The following DSC3 variants were observed in gnomAD, a reference collection of about 807,000 sequenced individuals.
The protein encoded by DSC3 is desmocollin-3.
Under a neutral mutation model 89.5 loss-of-function variants are expected in DSC3, and 97 were observed. The observed-to-expected ratio is 1.08, with a 90% CI of 0.92 to 1.28. The LOEUF (loss-of-function observed/expected upper bound fraction) is 1.28, where lower values mean the gene tolerates loss of function less well. Among genes scored for constraint, DSC3 ranks in the 50% most tolerant of loss-of-function variants. The pLI, the probability that DSC3 is intolerant of heterozygous loss-of-function variation, is 0.00. For synonymous variants in DSC3, 436 were observed against 384.1 expected, an observed-to-expected ratio of 1.14 and a Z score of -1.58; for missense variants, 1,199 against 1,085.3, an observed-to-expected ratio of 1.10 and a Z score of -1.47.
intron 6 of DSC3, among the ~76,000 whole-genome samples, chr18:31,023,913 G>C (rs914931887): frequency 6.6e-6 from 1 of 151,660 alleles, no homozygotes; most frequent in Non-Finnish European, 1.5e-5. Flanking sequence ...ATATAAATAG[G>C]AGCATAAAAA....
Position 30,997,194 on chromosome 18 carries a change from T to C in DSC3, c.2236-146A>G, listed in dbSNP as rs535762150. 15 of 1,027,648 alleles carry C rather than the reference T, an allele frequency of 1.5e-5. No homozygotes were observed. In the East Asian group the frequency reaches 2.8e-4, roughly 19 times the overall value. 63.7% of individuals were successfully genotyped at this position (1,027,648 alleles called of 1,614,324 possible). A position where few individuals can be genotyped will look rare whatever the true frequency, so the allele number is the denominator to read the frequency against. Reference sequence around the variant, plus strand: ...ACAGACATTTATCAGTTTCTAATTATGTGCCCAGATACTGTCTTCATTCAT... The same window carrying C: ...ACAGACATTTATCAGTTTCTAATTACGTGCCCAGATACTGTCTTCATTCAT... On this transcript the variant is annotated intron_variant, in intron 14 of 15. Coordinates refer to ENST00000360428, the MANE Select transcript of DSC3 (RefSeq NM_001941.5).
Position 30,990,936 on chromosome 18 carries a change from T to G in DSC3, c.*3239A>C, listed in dbSNP as rs1186618222. On this transcript the variant is annotated 3_prime_UTR_variant, in exon 16 of 16. Coordinates refer to ENST00000360428, the MANE Select transcript of DSC3 (RefSeq NM_001941.5). ...TGTCGACAATTTGATAATGAAACAT[T>G]GTCCAAAATATTCCCCATTAATACA... The G allele has an allele frequency of 6.6e-6, 1 of 151,512 alleles. No homozygotes were observed. The highest frequency in any genetic ancestry group is 1.5e-5 in the Non-Finnish European group (1 of 67,960). The allele number at this position is 151,512 out of a possible 1,614,324, so 9.4% of individuals were successfully genotyped here. A position where few individuals can be genotyped will look rare whatever the true frequency, so the allele number is the denominator to read the frequency against.
At chr18:31,032,129 C>T (rs1985809396) in intron 2 of DSC3, 63 bp downstream of exon 2, 2 of 1,169,514 alleles carry the variant, frequency 1.7e-6, no homozygotes, top group Admixed American at 3.4e-5. Context: ...GGTATTATAT[C>T]ATGCTCTTTC....
intron 9 of DSC3, among the ~76,000 whole-genome samples, chr18:31,014,504 A>G (rs1567955114): frequency 6.6e-6 from 1 of 152,056 alleles, no homozygotes; most frequent in Non-Finnish European, 1.5e-5. Flanking sequence ...TGAACTTTGA[A>G]CTAATGGACT....
chr18:31,016,300 G>A (rs978724269), intron 9 of DSC3, among the ~76,000 whole-genome samples: 14 of 152,154 alleles, frequency 9.2e-5, no homozygotes, highest in African/African-American at 3.4e-4. Flanking sequence ...GCTCTAATAA[G>A]CTTGCTTTGC....
chr18:31,024,365 C>T lies in DSC3; in HGVS notation c.759G>A (p.Leu253=), dbSNP rs754906080. The T allele has an allele frequency of 9.4e-6, 15 of 1,602,944 alleles. No homozygotes were observed. The highest frequency in any genetic ancestry group is 1.3e-5 in the Non-Finnish European group (15 of 1,173,668). ...FTEAIYNFEV[L]ESSRPGTTVG... The stretch of plus-strand genomic sequence containing the variant: ...CAGACTTACCAGGTCTACTACTTTC[C>T]AAAACTTCAAAATTATAAATTGCTT... Residue 253 remains leucine, a synonymous_variant, in exon 6 of 16, where the codon TTG becomes TTA. Coordinates refer to ENST00000360428, the MANE Select transcript of DSC3 (RefSeq NM_001941.5).
rs1413248107 is a variant in DSC3, at chr18:31,029,540, G to A, written c.443C>T (p.Ser148Phe). 1 of 1,613,890 alleles carries A rather than the reference G, an allele frequency of 6.2e-7. No individual in the cohort carries two copies. The highest frequency in any genetic ancestry group is 8.5e-7 in the Non-Finnish European group (1 of 1,179,780). Residue 148 changes from serine (S) to phenylalanine (F), a missense_variant, in exon 4 of 16, where the codon TCC becomes TTC. Transcript: ENST00000360428. ...AAGAAACAATGGGAAAGGGCCCAAG[G>A]AATTCTCTTGCATAGAGCAAGGAAT... ...APIPCSMQEN[S>F]LGPFPLFLQQ...
At chr18:31,021,980 A>G (rs2144715737) in intron 7 of DSC3, among the ~76,000 whole-genome samples, 1 of 150,082 alleles carries the variant, frequency 6.7e-6, no homozygotes, top group East Asian at 2.0e-4. Context: ...TAAAGTAGAA[A>G]TCAGGGCATG....
Position 31,032,269 on chromosome 18 carries a change from C to A in DSC3, c.77G>T (p.Ser26Ile). Residue 26 changes from serine to isoleucine, a missense_variant, in exon 2 of 16, where the codon AGT becomes ATT. Transcript: ENST00000360428. ...CTTTTTGCAGGCTTCACCAGCACGA[C>A]TGAAGATCTAGAATTTAAAAGGTCA... ...LHLLLTLVIF[S>I]RAGEACKKVI... 1.2e-6 allele frequency: 2 copies of A among 1,610,974 alleles called. No individual in the cohort carries two copies. The highest frequency in any genetic ancestry group is 1.7e-6 in the Non-Finnish European group (2 of 1,177,292).
At chr18:31,029,993 T>C (rs1985727367) in intron 3 of DSC3, among the ~76,000 whole-genome samples, 1 of 152,200 alleles carries the variant, frequency 6.6e-6, no homozygotes, top group Non-Finnish European at 1.5e-5. Context: ...TTCTTTTAGT[T>C]AAAAGCTCAT....
chr18:31,029,483 C>T (rs372771494), intron 4 of DSC3, 26 bp downstream of exon 4: 3 of 1,613,184 alleles, frequency 1.9e-6, no homozygotes, highest in Non-Finnish European at 2.5e-6. Flanking sequence ...TTAAAGCAAC[C>T]CTGACCAGAA....
rs114503789 is a variant in DSC3 at position 31,042,629 on chromosome 18, C to T, written c.32G>A (p.Arg11His). The stretch of plus-strand genomic sequence containing the variant: ...CAGCAGATGCAGGCAGACGGCTCCG[C>T]GCACGGAGCGCCGGGGCCCAGCGGC... MAAAGPRRSV[R>H]GAVCLHLLLT... Residue 11 changes from arginine to histidine, a missense_variant, in exon 1 of 16, where the codon CGC (arginine) becomes CAC (histidine). By Grantham distance (29) the Arg-to-His change is conservative (BLOSUM62 0). Transcript: ENST00000360428. 1 of 1,550,214 alleles carries T rather than the reference C, an allele frequency of 6.5e-7. No individual in the cohort carries two copies. Among genetic ancestry groups the T allele is most frequent in the Non-Finnish European group, 8.7e-7 (1 of 1,146,750 alleles).
chr18:31,037,665 G>A (rs779935239), intron 1 of DSC3, among the ~76,000 whole-genome samples: 3 of 152,264 alleles, frequency 2.0e-5, no homozygotes, highest in Admixed American at 2.0e-4. Context: ...ACTCTGGGAG[G>A]CCGAGGCAGG....
chr18:31,006,882 T>C, intron 12 of DSC3, 25 bp downstream of exon 12: 1 of 1,537,738 alleles, frequency 6.5e-7, no homozygotes, highest in African/African-American at 1.4e-5. Context: ...TCAGAGTTTA[T>C]AAATCATTAT....
At chr18:31,031,721 T>A (rs1351762368) in intron 2 of DSC3, among the ~76,000 whole-genome samples, 1 of 152,188 alleles carries the variant, frequency 6.6e-6, no homozygotes, top group Non-Finnish European at 1.5e-5. Flanking sequence ...TGTTCCAAGC[T>A]TTCCAAGGCC....
In DSC3 at chr18:31,010,831, C is replaced by T. The variant is rs373744014; in HGVS notation, c.1264-2306G>A. Among the ~76,000 whole-genome samples the T allele has an allele frequency of 2.8e-4, 42 of 152,294 alleles. No individual in the cohort carries two copies. In the East Asian group the frequency reaches 7.5e-3, roughly 27 times the overall value. Reference sequence around the variant, plus strand: ...TGAGGTGGAATGAGTTTACCCAGAACACAGCAAAAGCCTGTATCACTCATG... The same window carrying T: ...TGAGGTGGAATGAGTTTACCCAGAATACAGCAAAAGCCTGTATCACTCATG... On this transcript the variant is annotated intron_variant, in intron 9 of 15. Coordinates refer to ENST00000360428, the MANE Select transcript of DSC3 (RefSeq NM_001941.5).
rs762982375 is a variant in DSC3 at position 31,031,050 on chromosome 18, ATCTTT to A, written c.272_276del (p.Lys91IlefsTer8). The A allele has an allele frequency of 6.2e-7, 1 of 1,614,054 alleles. No individual in the cohort carries two copies. Reference sequence around the variant, plus strand: ...TTGTCAGAAAGCCATATGGTAAATGATCTTTTCTTATCAGACAGCGCAACAGCCCT... The same window carrying A: ...TTGTCAGAAAGCCATATGGTAAATGATCTTATCAGACAGCGCAACAGCCCT... On this transcript the variant is annotated frameshift_variant, in exon 3 of 16. Coordinates refer to ENST00000360428, the MANE Select transcript of DSC3 (RefSeq NM_001941.5). LOFTEE classifies it high-confidence loss of function.
intron 14 of DSC3, among the ~76,000 whole-genome samples, chr18:30,998,238 A>C (rs1325875336): frequency 1.3e-5 from 2 of 152,188 alleles, no homozygotes; most frequent in African/African-American, 4.8e-5. Flanking sequence ...GGAAGCAGTG[A>C]TGACTGAAAG....
At chr18:31,029,710 C>T in intron 3 of DSC3, 82 bp from the exon 4 acceptor site, 2 of 1,562,866 alleles carry the variant, frequency 1.3e-6, no homozygotes, top group Non-Finnish European at 8.8e-7. Flanking sequence ...AGCTCATAAA[C>T]CTAATCCTTC....
Sources: gnomAD v4.1 joint callset for allele counts (sites outside exome capture counted in the v4.1 genomes callset) on GRCh38, gnomAD v4.1.1 for gene constraint, MANE v1.5 for transcripts, NCBI Gene and HGNC (gene_info 2026-07-23, HGNC 2026-07-21) for gene names.